Variants in TTC6 observed in about 807,000 individuals in gnomAD.
The protein encoded by TTC6 is tetratricopeptide repeat protein 6.
A neutral mutation model predicts 210.4 loss-of-function variants in TTC6; 172 were observed. The ratio of observed to expected loss-of-function variants is 0.82; its 90% CI spans 0.72 to 0.93. TTC6 has a LOEUF of 0.93. Ranked by LOEUF, TTC6 falls within the 40% of genes least tolerant of loss-of-function variation. The pLI is 0.00. For synonymous variants in TTC6, 804 were observed against 819.6 expected, an observed-to-expected ratio of 0.98 and a Z score of 0.32; for missense variants, 2,414 against 2,318.1, an observed-to-expected ratio of 1.04 and a Z score of -0.85.
chr14:37,648,728 G>T (rs919976935), intron 1 of TTC6, among the ~76,000 whole-genome samples: 9 of 152,090 alleles, frequency 5.9e-5, no homozygotes, highest in Admixed American at 6.6e-5. Context: ...TTTCTTTAAT[G>T]ATTACTAATT....
intron 8 of TTC6, among the ~76,000 whole-genome samples, chr14:37,736,432 T>C (rs1570403): frequency 0.64 from 96,669 of 151,994 alleles, 31,964 homozygotes; most frequent in East Asian, 0.9. Flanking sequence ...GATACATTTC[T>C]ACTTTCTCAA....
At chr14:37,793,205 G>C (rs904552466) in intron 17 of TTC6, among the ~76,000 whole-genome samples, 7 of 152,166 alleles carry the variant, frequency 4.6e-5, no homozygotes, top group African/African-American at 1.7e-4. Context: ...CAATAGCTTC[G>C]CTTGTGTTTA....
intron 9 of TTC6, among the ~76,000 whole-genome samples, chr14:37,738,519 T>G (rs2095908240): frequency 6.6e-6 from 1 of 152,116 alleles, no homozygotes; most frequent in Admixed American, 6.6e-5. Flanking sequence ...TCATAATACA[T>G]ATCTAATTTA....
At chr14:37,835,445 C>T (rs1375485826) in intron 29 of TTC6, among the ~76,000 whole-genome samples, 1 of 151,916 alleles carries the variant, frequency 6.6e-6, no homozygotes, top group Non-Finnish European at 1.5e-5. Flanking sequence ...GGATCAAAAT[C>T]TTTGAGAATT....
At chr14:37,733,405 G>A (rs1276473116) in intron 7 of TTC6, among the ~76,000 whole-genome samples, 1 of 151,966 alleles carries the variant, frequency 6.6e-6, no homozygotes, top group Non-Finnish European at 1.5e-5. Flanking sequence ...TAAGAGGAGG[G>A]GTAGAAGGTC....
intron 14 of TTC6, among the ~76,000 whole-genome samples, chr14:37,760,988 C>T (rs1242569366): frequency 5.9e-5 from 9 of 152,178 alleles, no homozygotes; most frequent in Non-Finnish European, 8.8e-5. Flanking sequence ...GACAACTTGG[C>T]TCCCTGGCTT....
intron 1 of TTC6, among the ~76,000 whole-genome samples, chr14:37,654,412 C>G (rs2095718212): frequency 6.6e-6 from 1 of 152,054 alleles, no homozygotes; most frequent in African/African-American, 2.4e-5. Flanking sequence ...AAGTATGTAG[C>G]ACCCACCCCC....
intron 5 of TTC6, among the ~76,000 whole-genome samples, chr14:37,706,489 G>T (rs2095835761): frequency 6.6e-6 from 1 of 152,050 alleles, no homozygotes; most frequent in Non-Finnish European, 1.5e-5. Context: ...ATTGGTAAGA[G>T]AAATGCACAA....
intron 24 of TTC6, 144 bp from the exon 27 acceptor site, chr14:37,812,170 A>G: frequency 1.3e-6 from 1 of 799,530 alleles, no homozygotes; most frequent in Admixed American, 3.2e-5. Flanking sequence ...TTTAAATCTA[A>G]CATATGATTA....
intron 1 of TTC6, among the ~76,000 whole-genome samples, chr14:37,633,019 C>T (rs946223115): frequency 1.3e-5 from 2 of 152,212 alleles, no homozygotes; most frequent in Admixed American, 6.5e-5. Context: ...GCTGTGCTGG[C>T]AGCAAGAATT....
At chr14:37,687,657 T>C (rs960360866) in intron 3 of TTC6, among the ~76,000 whole-genome samples, 7 of 152,238 alleles carry the variant, frequency 4.6e-5, no homozygotes, top group Non-Finnish European at 1.0e-4. Context: ...CACAGCAGGA[T>C]AGGGCACTGG....
intron 14 of TTC6, among the ~76,000 whole-genome samples, chr14:37,762,882 C>CTTTTCTTTTT (rs1413889827): frequency 1.5e-5 from 2 of 129,602 alleles, no homozygotes; most frequent in Non-Finnish European, 3.3e-5. Flanking sequence ...CTTTTCTTTT[C>CTTTTCTTTTT]TTTTTTTTTT....
chr14:37,683,463 C>T (rs1445158897), intron 3 of TTC6, among the ~76,000 whole-genome samples: 3 of 152,012 alleles, frequency 2.0e-5, no homozygotes, highest in Non-Finnish European at 4.4e-5. Context: ...GTTTAAGTTT[C>T]CTCTTATCCT....
chr14:37,732,068 A>G (rs56120250), intron 7 of TTC6, among the ~76,000 whole-genome samples: 2,021 of 152,074 alleles, frequency 0.013, 60 homozygotes, highest in African/African-American at 0.046. Context: ...GTAGCTTTCA[A>G]CTTTCCAAAA....
At chr14:37,604,932 C>G (rs7147379) in intron 1 of TTC6, among the ~76,000 whole-genome samples, 114,951 of 152,158 alleles carry the variant, frequency 0.76, 44,053 homozygotes, top group African/African-American at 0.88. Flanking sequence ...TTTAGTTGCT[C>G]TCTTCAAAAA....
At chr14:37,770,338 G>A (rs545177675) in intron 14 of TTC6, among the ~76,000 whole-genome samples, 2,185 of 152,256 alleles carry the variant, frequency 0.014, 20 homozygotes, top group Middle Eastern at 0.024. Flanking sequence ...GCAGAGCTGA[G>A]TTCAATTCCT....
chr14:37,835,518 C>T (rs2139036613), intron 29 of TTC6, among the ~76,000 whole-genome samples: 1 of 152,156 alleles, frequency 6.6e-6, no homozygotes, highest in South Asian at 2.1e-4. Context: ...ACACACTACC[C>T]ATTATGTCAT....
chr14:37,807,439 A>G (rs766310139), exon 23 of TTC6: 1 of 1,506,650 alleles, frequency 6.6e-7, no homozygotes, highest in South Asian at 1.3e-5. Flanking sequence ...TCTACAGAGG[A>G]GTTCTGAAAT....
chr14:37,673,916 T>C (rs1243712296), intron 1 of TTC6, among the ~76,000 whole-genome samples: 2 of 152,150 alleles, frequency 1.3e-5, no homozygotes, highest in East Asian at 3.9e-4. Context: ...TGTACAGAGT[T>C]AAAAAAATTT....
Sources: gnomAD v4.1 joint callset for allele counts (sites outside exome capture counted in the v4.1 genomes callset) on GRCh38, gnomAD v4.1.1 for gene constraint, MANE v1.5 for transcripts, NCBI Gene and HGNC (gene_info 2026-07-23, HGNC 2026-07-21) for gene names.